C5: variants seen among roughly 807,000 people sequenced by gnomAD.
The protein encoded by C5 is C3 and PZP-like alpha-2-macroglobulin domain-containing protein 4.
C5 carries 140 observed loss-of-function variants against 218.8 expected under a neutral mutation model. The ratio of observed to expected loss-of-function variants is 0.64; its 90% CI spans 0.56 to 0.74. The LOEUF is 0.74. C5 is among the 30% of genes least tolerant of loss of function. The pLI, the probability that C5 is intolerant of heterozygous loss-of-function variation, is 0.00. For synonymous variants in C5, 614 were observed against 682.3 expected (o/e 0.90, Z 1.56); for missense variants, 1,700 against 1,969.6 (o/e 0.86, Z 2.59).
chr9:120,970,031 G>A lies in C5; in HGVS notation c.4162+139C>T, dbSNP rs531851802. ...TAAAAAATGGAAGTAATATTTACTTGGATGTCAACCTGCTAAAGTATTTGG... is the reference window on the plus strand; with the variant it reads ...TAAAAAATGGAAGTAATATTTACTTAGATGTCAACCTGCTAAAGTATTTGG... On this transcript the variant is annotated intron_variant, in intron 32 of 40. Coordinates refer to ENST00000223642, the MANE Select transcript of C5 (RefSeq NM_001735.3). 95 of 665,348 alleles carry A rather than the reference G, an allele frequency of 1.4e-4. No homozygotes were observed. In the South Asian group the frequency reaches 1.6e-3, roughly 11 times the overall value. 41.2% of individuals were successfully genotyped at this position (665,348 alleles called of 1,614,324 possible).
chr9:121,005,526 G>T (rs1288382033), intron 20 of C5, among the ~76,000 whole-genome samples: 1 of 152,178 alleles, frequency 6.6e-6, no homozygotes, highest in African/African-American at 2.4e-5. Flanking sequence ...TTTCAGAGAG[G>T]ATGATAAGAT....
At chr9:120,977,040 T>A in intron 28 of C5, 135 bp from the exon 29 acceptor site, 1 of 740,286 alleles carries the variant, frequency 1.4e-6, no homozygotes. Context: ...TTCCTGAAGA[T>A]GACCAATGCA....
At chr9:121,049,128 T>A (rs2047652905) in intron 1 of C5, among the ~76,000 whole-genome samples, 1 of 152,210 alleles carries the variant, frequency 6.6e-6, no homozygotes, top group African/African-American at 2.4e-5. Context: ...AATCAATCAA[T>A]CAACCAATTA....
chr9:121,014,614 G>A (rs2047290767), intron 16 of C5, among the ~76,000 whole-genome samples: 1 of 152,082 alleles, frequency 6.6e-6, no homozygotes, highest in African/African-American at 2.4e-5. Context: ...ATAAAGGTTA[G>A]AATTAAAATA....
At chr9:121,012,445 C>T (rs1441331641) in intron 17 of C5, among the ~76,000 whole-genome samples, 19 of 151,992 alleles carry the variant, frequency 1.3e-4, no homozygotes, top group African/African-American at 2.4e-5. Context: ...ACCCGGGAGG[C>T]GGAGGTTGCA....
Position 120,989,637 on chromosome 9 carries a change from T to A in C5, c.3085A>T (p.Asn1029Tyr), listed in dbSNP as rs1163028614. ...FYVFHYLETG[N>Y]HWNIFHSDPL... The stretch of plus-strand genomic sequence containing the variant: ...TCAGAATGAAAAATGTTCCAATGAT[T>A]TCCTGTTTCCAGGTAGTGAAAAACA... The change falls in exon 24 of 41, where the codon AAT becomes TAT. Residue 1029 changes from asparagine to tyrosine, a missense_variant. Coordinates refer to ENST00000223642, the MANE Select transcript of C5 (RefSeq NM_001735.3). The A allele has an allele frequency of 1.9e-6, 3 of 1,613,924 alleles. No homozygotes were observed. Among genetic ancestry groups the A allele is most frequent in the Admixed American group, 1.7e-5 (1 of 60,010 alleles).
rs200569739 is a variant in C5 at position 121,034,451 on chromosome 9, C to T, written c.584+352G>A. On this transcript the variant is annotated intron_variant, in intron 5 of 40. Transcript: ENST00000223642. ...AGTTTATCCAGGCAAAAACTACAGA[C>T]GACCCTATTTTATAGCAACCAGAGC... 1.3e-4 allele frequency among the ~76,000 whole-genome samples: 20 copies of T among 152,252 alleles called. No individual in the cohort carries two copies. In the East Asian group the frequency reaches 3.9e-3, roughly 29 times the overall value.
chr9:120,971,982 T>C lies in C5; in HGVS notation c.4028A>G (p.Asn1343Ser), dbSNP rs745580285. ...FLGRPVEVLL[N>S]DDLIVSTGFG... ...TCCTGTACTGACAATGAGGTCATCA[T>C]TGAGAAGCACCTGGAAAGATAATAG... The change falls in exon 31 of 41, where the codon AAT (asparagine) becomes AGT (serine). Residue 1343 changes from asparagine (N) to serine (S), a missense_variant. By Grantham distance (46) the Asn-to-Ser change is conservative. Coordinates refer to ENST00000223642, the MANE Select transcript of C5 (RefSeq NM_001735.3). 5 of 1,612,726 alleles carry C rather than the reference T, an allele frequency of 3.1e-6. No homozygotes were observed. Among genetic ancestry groups the C allele is most frequent in the Admixed American group, 1.7e-5 (1 of 60,010 alleles).
chr9:121,021,371 T>C, intron 11 of C5, 138 bp downstream of exon 11: 1 of 711,504 alleles, frequency 1.4e-6, no homozygotes, highest in Non-Finnish European at 2.6e-6. Context: ...TGGGACTAAT[T>C]TGTCTTGGAT....
intron 37 of C5, 72 bp from the exon 38 acceptor site, chr9:120,960,409 G>C: frequency 1.0e-6 from 1 of 986,284 alleles, no homozygotes; most frequent in South Asian, 1.3e-5. Context: ...GAGTAAACAC[G>C]GTTTCTCATG....
chr9:121,018,905 C>A (rs980562365), intron 12 of C5, among the ~76,000 whole-genome samples: 24 of 152,040 alleles, frequency 1.6e-4, no homozygotes, highest in African/African-American at 5.6e-4. Flanking sequence ...ATATTATTCT[C>A]CTCATTTAAG....
intron 27 of C5, among the ~76,000 whole-genome samples, chr9:120,980,627 G>C (rs1042060956): frequency 6.6e-6 from 1 of 151,888 alleles, no homozygotes; most frequent in African/African-American, 2.4e-5. Context: ...GTCTCGCTCT[G>C]TCGCCCAGGC....
chr9:121,032,434 T>C (rs950185857), intron 5 of C5, among the ~76,000 whole-genome samples: 1 of 152,228 alleles, frequency 6.6e-6, no homozygotes, highest in African/African-American at 2.4e-5. Flanking sequence ...TTTTTCCTGG[T>C]ATTTTATCTT....
chr9:121,004,225 GTTATT>G (rs2047197110), intron 20 of C5, among the ~76,000 whole-genome samples: 1 of 151,942 alleles, frequency 6.6e-6, no homozygotes, highest in Non-Finnish European at 1.5e-5. Context: ...TTAGAAATAT[GTTATT>G]TTATCAATAG....
At chr9:121,067,431 G>T in the C5 span, among the ~76,000 whole-genome samples, 1 of 151,990 alleles carries the variant, frequency 6.6e-6, no homozygotes, top group Admixed American at 6.6e-5. Flanking sequence ...GGGCGTGGTG[G>T]TGCGTGCCCA....
At chr9:120,967,532 G>C (rs1477077744) in intron 33 of C5, among the ~76,000 whole-genome samples, 1 of 152,038 alleles carries the variant, frequency 6.6e-6, no homozygotes, top group East Asian at 1.9e-4. Flanking sequence ...GCCATCCACA[G>C]ATATCACTGT....
At chr9:121,069,917 T>C in the C5 span, among the ~76,000 whole-genome samples, 1 of 152,198 alleles carries the variant, frequency 6.6e-6, no homozygotes, top group Non-Finnish European at 1.5e-5. Context: ...AACTACCATA[T>C]GATCCAGCAA....
intron 7 of C5, among the ~76,000 whole-genome samples, chr9:121,028,924 A>T (rs1049282440): frequency 6.6e-6 from 1 of 152,170 alleles, no homozygotes; most frequent in Admixed American, 6.5e-5. Flanking sequence ...AGATGAAAAA[A>T]ATTGATCTTG....
chr9:121,015,256 G>A lies in C5; in HGVS notation c.2002C>T (p.Pro668Ser). The A allele has an allele frequency of 2.5e-6, 4 of 1,599,738 alleles. No homozygotes were observed. In the Middle Eastern group the frequency reaches 6.6e-4, roughly 265 times the overall value. The change falls in exon 16 of 41, where the codon CCT (proline) becomes TCT (serine). Residue 668 changes from proline to serine, a missense_variant. Physicochemically the swap from Pro to Ser is moderately conservative, Grantham distance 74. Transcript: ENST00000223642. ...NADDSQENDE[P>S]CKEILRPRRT... ...CTTGGCCTGAGAATTTCTTTACAAGGTTCATCTGGTTTTTTTAAAAAAAGA... is the reference window on the plus strand; with the variant it reads ...CTTGGCCTGAGAATTTCTTTACAAGATTCATCTGGTTTTTTTAAAAAAAGA...
Sources: allele counts gnomAD v4.1 joint callset (sites outside exome capture counted in the v4.1 genomes callset), GRCh38; gene constraint gnomAD v4.1.1; transcripts MANE v1.5; gene names NCBI Gene and HGNC (gene_info 2026-07-23, HGNC 2026-07-21).